The following SPECC1L variants were observed in gnomAD, a reference collection of about 807,000 sequenced individuals.
SPECC1L encodes the protein cytospin-A.
SPECC1L carries 40 observed loss-of-function variants against 116.8 expected under a neutral mutation model. The observed-to-expected ratio is 0.34, with a 90% CI of 0.27 to 0.45. The LOEUF (loss-of-function observed/expected upper bound fraction) is 0.45, where lower values mean the gene tolerates loss of function less well. Ranked by LOEUF, SPECC1L falls within the 20% of genes least tolerant of loss-of-function variation. The pLI, the probability that SPECC1L is intolerant of heterozygous loss-of-function variation, is 1.00. For missense variants in SPECC1L, 1,110 were observed against 1,373.6 expected, an observed-to-expected ratio of 0.81 and a Z score of 3.03; for synonymous variants, 504 against 500.6, an observed-to-expected ratio of 1.01 and a Z score of -0.09.
chr22:24,377,048 T>C (rs1309457548), intron 14 of SPECC1L, among the ~76,000 whole-genome samples: 23 of 152,194 alleles, frequency 1.5e-4, no homozygotes, highest in Non-Finnish European at 1.5e-5. Context: ...TAATCTACTT[T>C]CTGTCCTATA....
chr22:24,347,429 A>G (rs2041319939), intron 11 of SPECC1L, among the ~76,000 whole-genome samples: 1 of 152,226 alleles, frequency 6.6e-6, no homozygotes, highest in Non-Finnish European at 1.5e-5. Flanking sequence ...CTGTTTTCAC[A>G]GTTCCTCATG....
intron 2 of SPECC1L, among the ~76,000 whole-genome samples, chr22:24,277,420 C>G (rs894473161): frequency 9.9e-5 from 15 of 152,146 alleles, no homozygotes; most frequent in African/African-American, 4.8e-5. Flanking sequence ...TTAAAGTGTA[C>G]CTTTCATGTG....
At chr22:24,383,902 C>T (rs1190374910) in intron 14 of SPECC1L, among the ~76,000 whole-genome samples, 1 of 147,240 alleles carries the variant, frequency 6.8e-6, no homozygotes, top group Non-Finnish European at 1.5e-5. Context: ...ATCCGCCCAC[C>T]TGGGCCCCCC....
chr22:24,300,559 A>T (rs547708128), intron 2 of SPECC1L, among the ~76,000 whole-genome samples: 1 of 152,216 alleles, frequency 6.6e-6, no homozygotes, highest in Non-Finnish European at 1.5e-5. Flanking sequence ...ACTGTCTTCC[A>T]CAATGGTTGA....
intron 14 of SPECC1L, among the ~76,000 whole-genome samples, chr22:24,394,595 A>C (rs372433549): frequency 8.9e-4 from 136 of 152,230 alleles, no homozygotes; most frequent in African/African-American, 3.2e-3. Flanking sequence ...TAGGTTGAAC[A>C]TTTTCAGAAG....
chr22:24,320,122 A>G (rs2040691356), intron 4 of SPECC1L, among the ~76,000 whole-genome samples: 1 of 152,128 alleles, frequency 6.6e-6, no homozygotes, highest in Admixed American at 6.5e-5. Context: ...AAAAATACAA[A>G]AAAATTAGCC....
In SPECC1L at chr22:24,414,941, A is replaced by C; in HGVS notation, c.*318A>C. The C allele has an allele frequency of 5.4e-6, 2 of 372,152 alleles. No individual in the cohort carries two copies. Among genetic ancestry groups the C allele is most frequent in the Non-Finnish European group, 1.0e-5 (2 of 193,650 alleles). 23.1% of individuals were successfully genotyped at this position (372,152 alleles called of 1,614,324 possible). Reference sequence around the variant, plus strand: ...CTAGTGCTCCAGGGCACCAAACAAAAAGGGCTCATGCACAGCTGAATTTGG... The same window carrying C: ...CTAGTGCTCCAGGGCACCAAACAAACAGGGCTCATGCACAGCTGAATTTGG... On this transcript the variant is annotated 3_prime_UTR_variant, in exon 17 of 17. Transcript: ENST00000314328.
intron 9 of SPECC1L, among the ~76,000 whole-genome samples, chr22:24,337,646 C>T (rs1043333115): frequency 4.6e-5 from 7 of 152,042 alleles, no homozygotes; most frequent in Admixed American, 6.6e-5. Flanking sequence ...TAAATATATT[C>T]GTGTTTATAT....
intron 14 of SPECC1L, among the ~76,000 whole-genome samples, chr22:24,383,724 C>T (rs1388369904): frequency 6.7e-6 from 1 of 149,820 alleles, no homozygotes; most frequent in Non-Finnish European, 1.5e-5. Flanking sequence ...GCAACCTCTG[C>T]CTCCCAGGTT....
chr22:24,358,753 C>G (rs1265870225), intron 11 of SPECC1L, among the ~76,000 whole-genome samples: 2 of 152,114 alleles, frequency 1.3e-5, no homozygotes, highest in Non-Finnish European at 2.9e-5. Flanking sequence ...TTTAACTGCC[C>G]CACTTGGCCT....
intron 13 of SPECC1L, among the ~76,000 whole-genome samples, chr22:24,366,801 A>G (rs2146637810): frequency 6.6e-6 from 1 of 152,280 alleles, no homozygotes; most frequent in Non-Finnish European, 1.5e-5. Flanking sequence ...TTCTCTTAGG[A>G]CTAAGAGGTA....
intron 12 of SPECC1L, among the ~76,000 whole-genome samples, chr22:24,363,802 A>G (rs1445681931): frequency 6.6e-6 from 1 of 152,030 alleles, no homozygotes; most frequent in Non-Finnish European, 1.5e-5. Context: ...ATATAACAGG[A>G]GAAAATATTT....
chr22:24,355,297 A>AAAAAAAAAAAAAC (rs2041507903), intron 11 of SPECC1L, among the ~76,000 whole-genome samples: 1 of 151,284 alleles, frequency 6.6e-6, no homozygotes. Flanking sequence ...AAAAAAAAAA[A>AAAAAAAAAAAAAC]AAAAAAGGAA....
At chr22:24,352,567 A>T (rs2146584712) in intron 11 of SPECC1L, among the ~76,000 whole-genome samples, 1 of 152,348 alleles carries the variant, frequency 6.6e-6, no homozygotes, top group East Asian at 1.9e-4. Flanking sequence ...ACATACCATA[A>T]ATTTGTATGA....
In SPECC1L at chr22:24,347,131, G is replaced by C. The variant is rs1316637542; in HGVS notation, c.2698G>C (p.Ala900Pro). ...GPISTSKPLTALSDKRPNYGE... is the reference protein window; with the variant it reads ...GPISTSKPLTPLSDKRPNYGE... The stretch of plus-strand genomic sequence containing the variant: ...AATCTCAACATCCAAACCCCTGACA[G>C]CCCTGTCAGATAAGAGACCAAACTA... Residue 900 changes from alanine (A) to proline (P), a missense_variant, in exon 11 of 17, where the codon GCC becomes CCC. By Grantham distance (27) the Ala-to-Pro change is conservative. Around this residue, in one of 4 missense-constraint regions of SPECC1L, gnomAD observed 575 missense variants for 682.4 expected, o/e 0.84. Transcript: ENST00000314328. 29 of 1,613,844 alleles carry C rather than the reference G, an allele frequency of 1.8e-5. No homozygotes were observed. Among genetic ancestry groups the C allele is most frequent in the Non-Finnish European group, 2.3e-5 (27 of 1,179,918 alleles).
At chr22:24,395,904 G>A (rs572372898) in intron 14 of SPECC1L, among the ~76,000 whole-genome samples, 2 of 152,262 alleles carry the variant, frequency 1.3e-5, no homozygotes, top group East Asian at 3.9e-4. Flanking sequence ...AACCCCCTTG[G>A]CCTCTCAAAG....
At chr22:24,319,368 A>G (rs536050932) in intron 4 of SPECC1L, among the ~76,000 whole-genome samples, 1 of 152,350 alleles carries the variant, frequency 6.6e-6, no homozygotes, top group African/African-American at 2.4e-5. Context: ...GGCTGTCATG[A>G]GAACTCACTA....
intron 14 of SPECC1L, among the ~76,000 whole-genome samples, chr22:24,402,605 G>A (rs2042501424): frequency 6.6e-6 from 1 of 152,168 alleles, no homozygotes; most frequent in African/African-American, 2.4e-5. Context: ...GTGTCCTTGT[G>A]AAGCTGGAGG....
At chr22:24,279,134 T>G (rs1278478009) in intron 2 of SPECC1L, among the ~76,000 whole-genome samples, 4 of 152,242 alleles carry the variant, frequency 2.6e-5, no homozygotes, top group Non-Finnish European at 4.4e-5. Flanking sequence ...TTTATGTATT[T>G]ATTATATTGC....
Sources: gnomAD v4.1 joint callset for allele counts (sites outside exome capture counted in the v4.1 genomes callset) on GRCh38, gnomAD v4.1.1 for gene constraint, gnomAD v4.1.1 regional missense constraint, MANE v1.5 for transcripts, NCBI Gene and HGNC (gene_info 2026-07-23, HGNC 2026-07-21) for gene names.